The following IPO9 variants were observed in gnomAD, a reference collection of about 807,000 sequenced individuals.
The protein encoded by IPO9 is importin-9.
In IPO9, 28 loss-of-function variants were observed where a neutral mutation model predicts 128.6. The ratio of observed to expected loss-of-function variants is 0.22; its 90% confidence interval spans 0.16 to 0.30. IPO9 has a LOEUF of 0.30. Ranked by LOEUF, IPO9 falls within the 10% of genes least tolerant of loss-of-function variation. The probability of loss-of-function intolerance (pLI) is 1.00; values close to 1 mark genes in which losing one functional copy is unlikely to be tolerated. For synonymous variants in IPO9, 455 were observed against 475.8 expected (o/e 0.96, Z 0.57); for missense variants, 935 against 1,293.9 (o/e 0.72, Z 4.26).
rs761534936 is a variant in IPO9, at chr1:201,863,624, A to G, written c.1628+17A>G. 1 of 1,559,018 alleles carries G rather than the reference A, an allele frequency of 6.4e-7. No individual in the cohort carries two copies. Among genetic ancestry groups the G allele is most frequent in the Non-Finnish European group, 8.8e-7 (1 of 1,137,482 alleles). On this transcript the variant is annotated intron_variant, in intron 14 of 23. Coordinates refer to ENST00000361565, the MANE Select transcript of IPO9 (RefSeq NM_018085.5). ...CATCTGGGGGTGAGTATGCTACCCT[A>G]GCGTGATAATTAAGGGAAAGTTGCT...
At position 201,829,251 on chromosome 1, in the gene IPO9, G is replaced by T; in HGVS notation, c.42G>T (p.Pro14=). 1 of 1,584,608 alleles carries T rather than the reference G, an allele frequency of 6.3e-7. No individual in the cohort carries two copies. Among genetic ancestry groups the T allele is most frequent in the South Asian group, 1.1e-5 (1 of 87,258 alleles). Reference sequence around the variant, plus strand: ...CAGCTGGTGCGGCCTCCGGGCTGCCGGGTCCAGTGGCACAAGGATTAAAGG... The same window carrying T: ...CAGCTGGTGCGGCCTCCGGGCTGCCTGGTCCAGTGGCACAAGGATTAAAGG... ...AAAAGAASGL[P]GPVAQGLKEA... Residue 14 remains proline (P), a synonymous_variant, in exon 1 of 24, where the codon CCG becomes CCT. Coordinates refer to ENST00000361565, the MANE Select transcript of IPO9 (RefSeq NM_018085.5).
chr1:201,843,124 C>T (rs996482135), intron 1 of IPO9, among the ~76,000 whole-genome samples: 5 of 152,194 alleles, frequency 3.3e-5, no homozygotes, highest in African/African-American at 4.8e-5. Context: ...ACCTCTTCCT[C>T]AGTGCACCCC....
chr1:201,879,570 TAGGA>T lies in IPO9; in HGVS notation c.*3521_*3524del, dbSNP rs1182233776. On this transcript the variant is annotated 3_prime_UTR_variant, in exon 24 of 24. Transcript: ENST00000361565. ...AAATTTTTAGATAATAAGAAACCCT[TAGGA>T]AGGATGACAATTTAGAATCCAAATT... 9.2e-5 allele frequency: 14 copies of T among 152,146 alleles called. No individual in the cohort carries two copies. The highest frequency in any genetic ancestry group is 1.5e-4 in the Non-Finnish European group (10 of 68,012). The allele number at this position is 152,146 out of a possible 1,614,324, so 9.4% of individuals were successfully genotyped here.
chr1:201,836,178 C>A (rs1238382454), intron 1 of IPO9, among the ~76,000 whole-genome samples: 1 of 142,028 alleles, frequency 7.0e-6, no homozygotes, highest in African/African-American at 2.6e-5. Context: ...AGTCCCCCAA[C>A]ACACACACAC....
chr1:201,841,430 C>G (rs751474264), intron 1 of IPO9, among the ~76,000 whole-genome samples: 1 of 152,100 alleles, frequency 6.6e-6, no homozygotes, highest in African/African-American at 2.4e-5. Flanking sequence ...GAATGAACCT[C>G]GAGGTTTGGA....
intron 13 of IPO9, 25 bp from the exon 14 acceptor site, chr1:201,863,423 C>T (rs748268351): frequency 4.6e-6 from 7 of 1,535,276 alleles, no homozygotes; most frequent in Non-Finnish European, 6.2e-6. Context: ...TTTTCCAGCC[C>T]CTAATTGTTC....
At chr1:201,844,896 C>A (rs1320346798) in intron 1 of IPO9, among the ~76,000 whole-genome samples, 2 of 152,018 alleles carry the variant, frequency 1.3e-5, no homozygotes, top group Admixed American at 6.6e-5. Flanking sequence ...AAAATAATAG[C>A]AAAATAACTT....
chr1:201,831,047 G>C lies in IPO9; in HGVS notation c.163+1675G>C, dbSNP rs6661031. ...AGACTGGGTCTCGCTCTATCGTGTA[G>C]ACTTTGGAGCAGTGATGCCATCATG... On this transcript the variant is annotated intron_variant, in intron 1 of 23. Transcript: ENST00000361565. 3.5e-3 allele frequency among the ~76,000 whole-genome samples: 531 copies of C among 152,106 alleles called. 2 individuals are homozygous for C. Among genetic ancestry groups the C allele is most frequent in the African/African-American group, 0.012 (512 of 41,474 alleles).
Position 201,870,699 on chromosome 1 carries a change from C to G in IPO9, c.2250C>G (p.Leu750=), listed in dbSNP as rs754745602. 2.5e-6 allele frequency: 4 copies of G among 1,614,090 alleles called. No homozygotes were observed. Among genetic ancestry groups the G allele is most frequent in the Non-Finnish European group, 2.5e-6 (3 of 1,180,054 alleles). ...ATGTGATGCAAGTGGTGAGCCAGCT[C>G]CTGGACCCCCGCACCTCAGAGTTCA... ...LWYVMQVVSQ[L]LDPRTSEFTA... is the part of the protein sequence containing the mutation. The change falls in exon 18 of 24, where the codon CTC becomes CTG. Residue 750 remains leucine, a synonymous_variant. Transcript: ENST00000361565. The surrounding 1 kb of genome is among the most constrained non-coding windows in gnomAD (Gnocchi z 4.9).
At chr1:201,834,506 G>T (rs754254666) in intron 1 of IPO9, among the ~76,000 whole-genome samples, 1 of 152,068 alleles carries the variant, frequency 6.6e-6, no homozygotes, top group Admixed American at 6.6e-5. Flanking sequence ...TTAAAATGAA[G>T]TTCTTTCCCT....
rs1307746553 is a variant in IPO9, at chr1:201,882,846, A to G, written c.*6792A>G. The G allele has an allele frequency of 1.3e-5, 2 of 152,754 alleles. No individual in the cohort carries two copies. Among genetic ancestry groups the G allele is most frequent in the African/African-American group, 4.8e-5 (2 of 41,558 alleles). The allele number at this position is 152,754 out of a possible 1,614,324, so 9.5% of individuals were successfully genotyped here. A position where few individuals can be genotyped will look rare whatever the true frequency, so the allele number is the denominator to read the frequency against. On this transcript the variant is annotated 3_prime_UTR_variant, in exon 24 of 24. Transcript: ENST00000361565. ...AGGATTGTAGTTAGAATTAAGGATG[A>G]CTTCATTAAAGCACCTCTAGTGGTG...
At chr1:201,857,239 CTT>C (rs1680345080) in intron 11 of IPO9, 45 bp downstream of exon 11, 1 of 1,279,700 alleles carries the variant, frequency 7.8e-7, no homozygotes, top group African/African-American at 1.5e-5. Flanking sequence ...CTATCAGTCA[CTT>C]GAGCATTTCT....
At chr1:201,863,743 A>G (rs535590410) in intron 14 of IPO9, 136 bp downstream of exon 14, 13 of 746,826 alleles carry the variant, frequency 1.7e-5, no homozygotes, top group Admixed American at 5.8e-5. Context: ...TTGGAAGGAC[A>G]GGGAAAGAAA....
intron 1 of IPO9, among the ~76,000 whole-genome samples, chr1:201,833,735 GTTA>G (rs1374363322): frequency 1.2e-4 from 19 of 152,158 alleles, no homozygotes; most frequent in Non-Finnish European, 2.6e-4. Flanking sequence ...AAGTTTGGAA[GTTA>G]TTATGGTGTA....
chr1:201,856,165 A>G (rs1388258913), intron 10 of IPO9, among the ~76,000 whole-genome samples: 1 of 138,460 alleles, frequency 7.2e-6, no homozygotes, highest in African/African-American at 2.8e-5. Flanking sequence ...AAAGTACTAT[A>G]CTATGTTGCC....
At chr1:201,854,769 AT>A in intron 7 of IPO9, 53 bp from the exon 8 acceptor site, 2 of 1,607,602 alleles carry the variant, frequency 1.2e-6, no homozygotes, top group Non-Finnish European at 1.7e-6. Flanking sequence ...GTCTGAAATC[AT>A]TTATTTCTTA....
chr1:201,863,283 C>T (rs1216364418), intron 13 of IPO9, 165 bp from the exon 14 acceptor site: 2 of 499,178 alleles, frequency 4.0e-6, no homozygotes, highest in Non-Finnish European at 6.8e-6. Context: ...ACCCGGGGGA[C>T]GGAGGTTGCA....
At chr1:201,860,483 G>C (rs976430702) in intron 13 of IPO9, among the ~76,000 whole-genome samples, 5 of 152,146 alleles carry the variant, frequency 3.3e-5, no homozygotes, top group African/African-American at 1.2e-4. Context: ...CCTTGAGTAG[G>C]CATCCCATAG....
At chr1:201,873,031 A>G in intron 20 of IPO9, 70 bp downstream of exon 20, 2 of 1,484,834 alleles carry the variant, frequency 1.3e-6, no homozygotes, top group South Asian at 1.3e-5. Flanking sequence ...GGTGAAGGGA[A>G]GGAATGCACT....
Sources: allele counts gnomAD v4.1 joint callset (sites outside exome capture counted in the v4.1 genomes callset), GRCh38; gene constraint gnomAD v4.1.1; non-coding constraint Gnocchi (gnomAD v3.1); transcripts MANE v1.5; gene names NCBI Gene and HGNC (gene_info 2026-07-23, HGNC 2026-07-21).